The following SLIT2 variants were observed in gnomAD, a reference collection of about 807,000 sequenced individuals.
SLIT2 encodes slit guidance ligand 2.
SLIT2 carries 41 observed loss-of-function variants against 185.7 expected under a neutral mutation model. That is an observed-to-expected ratio of 0.22 (90% CI 0.17 to 0.29). The LOEUF (loss-of-function observed/expected upper bound fraction) is 0.29. Among genes scored for constraint, SLIT2 ranks in the 10% least tolerant of loss-of-function variants. The probability of loss-of-function intolerance (pLI) is 1.00; values close to 1 mark genes in which losing one functional copy is unlikely to be tolerated. For missense variants in SLIT2, 1,571 were observed against 1,909.0 expected (o/e 0.82, Z 3.30); for synonymous variants, 693 against 680.2 (o/e 1.02, Z -0.29).
At chr4:20,426,347 G>A (rs1353726984) in intron 4 of SLIT2, among the ~76,000 whole-genome samples, 6 of 152,194 alleles carry the variant, frequency 3.9e-5, no homozygotes, top group Admixed American at 2.6e-4. Flanking sequence ...TTCAAAGCTA[G>A]TAAAAGAATG....
intron 4 of SLIT2, among the ~76,000 whole-genome samples, chr4:20,444,910 C>G (rs1711594468): frequency 6.6e-6 from 1 of 152,190 alleles, no homozygotes; most frequent in South Asian, 2.1e-4. Context: ...CTGTTACATA[C>G]TTTGCGACTT....
intron 4 of SLIT2, among the ~76,000 whole-genome samples, chr4:20,291,224 G>A (rs1217169244): frequency 2.0e-5 from 3 of 151,894 alleles, no homozygotes; most frequent in Admixed American, 6.6e-5. Context: ...AGATATCTAA[G>A]TCGTTCCTGG....
In SLIT2 at chr4:20,390,759, AT is replaced by A. The variant is rs67798474; in HGVS notation, c.396-76981del. 5.5e-3 allele frequency among the ~76,000 whole-genome samples: 824 copies of A among 148,650 alleles called. 6 individuals carry two copies. The highest frequency in any genetic ancestry group is 0.016 in the African/African-American group (643 of 40,536). On this transcript the variant is annotated intron_variant, in intron 4 of 36. Coordinates refer to ENST00000504154, the MANE Select transcript of SLIT2 (RefSeq NM_004787.4). ...TTTCAACATTTTAGAAAAAGATCTT[AT>A]TTTTTTTTTTTAAAAAAAAATATAT...
chr4:20,457,495 C>T (rs11942897), intron 4 of SLIT2, among the ~76,000 whole-genome samples: 73,552 of 151,602 alleles, frequency 0.49, 18,403 homozygotes, highest in African/African-American at 0.56. Context: ...TGTATAGATA[C>T]TAAAGATATT....
chr4:20,366,528 C>T (rs1188283292), intron 4 of SLIT2, among the ~76,000 whole-genome samples: 1 of 152,032 alleles, frequency 6.6e-6, no homozygotes, highest in East Asian at 1.9e-4. Context: ...TAATCTCACC[C>T]AAACCATATG....
chr4:20,378,349 A>G (rs1223841405), intron 4 of SLIT2, among the ~76,000 whole-genome samples: 1 of 152,170 alleles, frequency 6.6e-6, no homozygotes, highest in Non-Finnish European at 1.5e-5. Context: ...TAACTTAACA[A>G]TGTGATTACA....
chr4:20,459,165 C>A (rs1429323329), intron 4 of SLIT2, among the ~76,000 whole-genome samples: 2 of 151,622 alleles, frequency 1.3e-5, no homozygotes, highest in Non-Finnish European at 2.9e-5. Flanking sequence ...TAGGAACAGT[C>A]CCAATAATCC....
At chr4:20,567,856 A>G (rs1187872848) in intron 28 of SLIT2, among the ~76,000 whole-genome samples, 1 of 152,094 alleles carries the variant, frequency 6.6e-6, no homozygotes, top group Non-Finnish European at 1.5e-5. Flanking sequence ...ACATGTGCAC[A>G]TTATGGTTAA....
intron 4 of SLIT2, among the ~76,000 whole-genome samples, chr4:20,380,875 T>A (rs1724450162): frequency 6.6e-6 from 1 of 152,046 alleles, no homozygotes; most frequent in Non-Finnish European, 1.5e-5. Context: ...CCAAATGTAT[T>A]GACAATTACA....
At chr4:20,609,112 T>C (rs1261084292) in intron 33 of SLIT2, among the ~76,000 whole-genome samples, 2 of 152,210 alleles carry the variant, frequency 1.3e-5, no homozygotes, top group East Asian at 3.8e-4. Flanking sequence ...CAGAGTTAGA[T>C]ATGCAACTAC....
chr4:20,448,159 C>A (rs1371329136), intron 4 of SLIT2, among the ~76,000 whole-genome samples: 1 of 152,036 alleles, frequency 6.6e-6, no homozygotes, highest in Non-Finnish European at 1.5e-5. Context: ...TTTCCTAATC[C>A]TTCGAGATAT....
At chr4:20,360,582 C>A (rs1722660478) in intron 4 of SLIT2, among the ~76,000 whole-genome samples, 1 of 151,862 alleles carries the variant, frequency 6.6e-6, no homozygotes, top group Admixed American at 6.6e-5. Context: ...TAGAAAAATA[C>A]AATAACATTT....
At chr4:20,365,423 T>A (rs1166681810) in intron 4 of SLIT2, among the ~76,000 whole-genome samples, 2 of 152,116 alleles carry the variant, frequency 1.3e-5, no homozygotes, top group African/African-American at 2.4e-5. Context: ...GGTTGAAGCC[T>A]CAGTTGAAGG....
Position 20,480,732 on chromosome 4 carries a change from C to A in SLIT2, c.484C>A (p.Gln162Lys), listed in dbSNP as rs751681828. Residue 162 changes from glutamine to lysine, a missense_variant, in exon 6 of 37, where the codon CAG (glutamine) becomes AAG (lysine). By Grantham distance (53) the Gln-to-Lys change is moderately conservative. Transcript: ENST00000504154. ...DIKNLQLDYN[Q>K]ISCIEDGAFR... ...TTTTAACAGGCAACTGGATTACAAC[C>A]AGATCAGCTGTATTGAAGATGGGGC... 2 of 1,612,976 alleles carry A rather than the reference C, an allele frequency of 1.2e-6. No individual in the cohort carries two copies. Among genetic ancestry groups the A allele is most frequent in the East Asian group, 4.5e-5 (2 of 44,852 alleles).
At chr4:20,362,926 A>T (rs533664587) in intron 4 of SLIT2, among the ~76,000 whole-genome samples, 87 of 142,286 alleles carry the variant, frequency 6.1e-4, no homozygotes, top group Non-Finnish European at 9.8e-4. Flanking sequence ...GAGGAATGAA[A>T]TTTTTTTTTT....
At chr4:20,522,023 A>G (rs375835799) in intron 12 of SLIT2, among the ~76,000 whole-genome samples, 2 of 152,282 alleles carry the variant, frequency 1.3e-5, no homozygotes, top group East Asian at 1.9e-4. Context: ...AGTATTGCCT[A>G]CAGTTTCTCC....
At chr4:20,323,532 C>A (rs1719281930) in intron 4 of SLIT2, among the ~76,000 whole-genome samples, 1 of 149,800 alleles carries the variant, frequency 6.7e-6, no homozygotes, top group Non-Finnish European at 1.5e-5. Flanking sequence ...TAAATCTGAT[C>A]TTTTTTTTTT....
intron 4 of SLIT2, among the ~76,000 whole-genome samples, chr4:20,295,682 A>T (rs926785343): frequency 6.6e-6 from 1 of 152,190 alleles, no homozygotes; most frequent in Non-Finnish European, 1.5e-5. Flanking sequence ...AAGCAAACTC[A>T]TAGTATTTTC....
chr4:20,413,376 G>A (rs763553256), intron 4 of SLIT2, among the ~76,000 whole-genome samples: 7 of 151,936 alleles, frequency 4.6e-5, no homozygotes, highest in East Asian at 1.9e-4. Context: ...GACTTGTTCC[G>A]GAGATGTTCC....
Sources: gnomAD v4.1 joint callset for allele counts (sites outside exome capture counted in the v4.1 genomes callset) on GRCh38, gnomAD v4.1.1 for gene constraint, MANE v1.5 for transcripts, NCBI Gene and HGNC (gene_info 2026-07-23, HGNC 2026-07-21) for gene names.